The following SPATA16 variants were observed in gnomAD, a reference collection of about 807,000 sequenced individuals.
SPATA16 encodes spermatogenesis associated 16, also known as spermatogenesis-associated protein 16.
Under a neutral mutation model 63.3 loss-of-function variants are expected in SPATA16, and 36 were observed. The observed-to-expected ratio is 0.57, with a 90% CI of 0.44 to 0.75. SPATA16 has a LOEUF of 0.75. Ranked by LOEUF, SPATA16 falls within the 30% of genes least tolerant of loss-of-function variation. The pLI, the probability that SPATA16 is intolerant of heterozygous loss-of-function variation, is 0.00. For missense variants in SPATA16, 646 were observed against 679.3 expected, an observed-to-expected ratio of 0.95 and a Z score of 0.54; for synonymous variants, 203 against 216.7, an observed-to-expected ratio of 0.94 and a Z score of 0.56.
intron 2 of SPATA16, among the ~76,000 whole-genome samples, chr3:173,070,714 A>C (rs762609189): frequency 5.9e-5 from 9 of 152,182 alleles, no homozygotes; most frequent in Non-Finnish European, 1.3e-4. Context: ...ATCCCATTTG[A>C]AATAGTTACA....
intron 6 of SPATA16, among the ~76,000 whole-genome samples, chr3:172,935,993 G>A (rs1732983321): frequency 6.6e-6 from 1 of 152,120 alleles, no homozygotes; most frequent in Admixed American, 6.5e-5. Context: ...ACTGAATAAT[G>A]GCTTACATCT....
At chr3:173,070,625 A>G (rs1736651888) in intron 2 of SPATA16, among the ~76,000 whole-genome samples, 1 of 152,226 alleles carries the variant, frequency 6.6e-6, no homozygotes, top group Non-Finnish European at 1.5e-5. Flanking sequence ...AAATTGCAGG[A>G]TACAAAATCA....
intron 1 of SPATA16, among the ~76,000 whole-genome samples, chr3:173,120,108 GA>G (rs1439155474): frequency 4.0e-5 from 6 of 151,408 alleles, no homozygotes; most frequent in Admixed American, 3.3e-4. Flanking sequence ...AAAAGAGAGA[GA>G]AAAAAAGAAA....
intron 10 of SPATA16, among the ~76,000 whole-genome samples, chr3:172,895,498 G>A (rs534463300): frequency 2.0e-5 from 3 of 152,174 alleles, no homozygotes; most frequent in Admixed American, 2.0e-4. Flanking sequence ...ACCACAGTAG[G>A]CTAATTTTTG....
At chr3:173,009,136 G>T (rs1735003489) in intron 4 of SPATA16, among the ~76,000 whole-genome samples, 1 of 152,150 alleles carries the variant, frequency 6.6e-6, no homozygotes, top group Non-Finnish European at 1.5e-5. Context: ...AAAAATCGAG[G>T]GTTCTGGTTC....
At chr3:173,012,569 C>T (rs1234118017) in intron 4 of SPATA16, among the ~76,000 whole-genome samples, 1 of 152,116 alleles carries the variant, frequency 6.6e-6, no homozygotes, top group Non-Finnish European at 1.5e-5. Context: ...AGTACTGGTA[C>T]AAAAACACAC....
Position 173,019,517 on chromosome 3 carries a change from T to C in SPATA16, c.817A>G (p.Arg273Gly). The change falls in exon 4 of 11, where the codon AGA (arginine) becomes GGA (glycine). Residue 273 changes from arginine (R) to glycine (G), a missense_variant. Physicochemically the swap from Arg to Gly is moderately radical, Grantham distance 125. Transcript: ENST00000351008. ...RNHLRQATVF[R>G]CLERYSEAAR... The stretch of plus-strand genomic sequence containing the variant: ...GCCTCTGAATACCTCTCCAGACATC[T>C]AAACACTGTTGCTTGACGAAGATGA... 2.5e-6 allele frequency: 4 copies of C among 1,614,112 alleles called. No individual in the cohort carries two copies. Among genetic ancestry groups the C allele is most frequent in the Non-Finnish European group, 3.4e-6 (4 of 1,179,978 alleles).
chr3:172,940,218 C>T (rs76850762), intron 6 of SPATA16, among the ~76,000 whole-genome samples: 152 of 152,156 alleles, frequency 1.0e-3, no homozygotes, highest in African/African-American at 3.4e-3. Context: ...CTGAACATGA[C>T]GAGGGGGTTG....
chr3:173,062,044 A>ATTTTTTTTTTTTTTTTTTTTTTTTTT (rs10618031), intron 2 of SPATA16, among the ~76,000 whole-genome samples: 2 of 115,540 alleles, frequency 1.7e-5, no homozygotes, highest in Non-Finnish European at 1.7e-5. Flanking sequence ...GTGCTTCAAC[A>ATTTTTTTTTTTTTTTTTTTTTTTTTT]TTTTTTTTTT....
At chr3:172,985,847 G>A (rs1383606267) in intron 4 of SPATA16, among the ~76,000 whole-genome samples, 1 of 152,002 alleles carries the variant, frequency 6.6e-6, no homozygotes, top group East Asian at 1.9e-4. Context: ...ATTATGTTAG[G>A]GACAGATTAT....
intron 10 of SPATA16, 116 bp downstream of exon 10, chr3:172,913,545 A>G: frequency 1.0e-6 from 1 of 980,172 alleles, no homozygotes; most frequent in Non-Finnish European, 1.6e-6. Context: ...AAAAAAGGAA[A>G]ACAAAAAAAC....
rs139678501 is a variant in SPATA16 at position 172,999,037 on chromosome 3, A to T, written c.848+20449T>A. Reference sequence around the variant, plus strand: ...GTCTTTGTCTGGTTTTGGTATTAGGATGACGACAGCCTCATAGAATGAGTT... The same window carrying T: ...GTCTTTGTCTGGTTTTGGTATTAGGTTGACGACAGCCTCATAGAATGAGTT... On this transcript the variant is annotated intron_variant, in intron 4 of 10. Transcript: ENST00000351008. 4.5e-4 allele frequency among the ~76,000 whole-genome samples: 68 copies of T among 152,056 alleles called. No individual in the cohort carries two copies. In the East Asian group the frequency reaches 0.012, roughly 28 times the overall value.
chr3:173,047,109 C>G (rs1451308529), intron 3 of SPATA16, among the ~76,000 whole-genome samples: 1 of 151,824 alleles, frequency 6.6e-6, no homozygotes, highest in Non-Finnish European at 1.5e-5. Context: ...AATAGTGAAC[C>G]TACTGAAGCT....
chr3:173,042,902 T>G (rs1234198729), intron 3 of SPATA16, among the ~76,000 whole-genome samples: 1 of 152,174 alleles, frequency 6.6e-6, no homozygotes, highest in Non-Finnish European at 1.5e-5. Context: ...GGTTTTAAAA[T>G]TTTTGAAATT....
At chr3:173,116,679 A>G (rs1459560664) in intron 2 of SPATA16, among the ~76,000 whole-genome samples, 4 of 152,244 alleles carry the variant, frequency 2.6e-5, no homozygotes, top group African/African-American at 9.6e-5. Context: ...TAAAAAGTAA[A>G]GATGGTTATG....
At chr3:173,034,582 G>A (rs978900276) in intron 3 of SPATA16, among the ~76,000 whole-genome samples, 1 of 151,884 alleles carries the variant, frequency 6.6e-6, no homozygotes, top group Non-Finnish European at 1.5e-5. Context: ...TTATTCCTAC[G>A]CTTTATGACA....
At chr3:173,043,923 C>T (rs1473669892) in intron 3 of SPATA16, among the ~76,000 whole-genome samples, 1 of 152,026 alleles carries the variant, frequency 6.6e-6, no homozygotes, top group African/African-American at 2.4e-5. Context: ...AGTTGTCGTT[C>T]CATTGTATTT....
intron 2 of SPATA16, among the ~76,000 whole-genome samples, chr3:173,114,389 GA>G (rs1250129288): frequency 2.0e-5 from 3 of 151,942 alleles, no homozygotes; most frequent in African/African-American, 7.3e-5. Flanking sequence ...TGGTTAATGG[GA>G]AAAAAATGAA....
intron 4 of SPATA16, among the ~76,000 whole-genome samples, chr3:173,008,514 T>C (rs565845903): frequency 6.6e-6 from 1 of 152,192 alleles, no homozygotes; most frequent in Admixed American, 6.5e-5. Context: ...TATGAATTCT[T>C]GCAAATGATA....
Sources: allele counts gnomAD v4.1 joint callset (sites outside exome capture counted in the v4.1 genomes callset), GRCh38; gene constraint gnomAD v4.1.1; transcripts MANE v1.5; gene names NCBI Gene and HGNC (gene_info 2026-07-23, HGNC 2026-07-21).